The following MAP3K21 variants were observed in gnomAD, a reference collection of about 807,000 sequenced individuals.
MAP3K21 encodes the protein mitogen-activated protein kinase kinase kinase MLK4.
Under a neutral mutation model 86.1 loss-of-function variants are expected in MAP3K21, and 63 were observed. That is an observed-to-expected ratio of 0.73 (90% CI 0.60 to 0.90). The LOEUF is 0.90. Ranked by LOEUF, MAP3K21 falls within the 40% of genes least tolerant of loss-of-function variation. MAP3K21 has a pLI of 0.00. For synonymous variants in MAP3K21, 558 were observed against 564.8 expected (o/e 0.99, Z 0.17); for missense variants, 1,220 against 1,367.7 (o/e 0.89, Z 1.70).
intron 1 of MAP3K21, among the ~76,000 whole-genome samples, chr1:233,339,398 T>TCTCCTCCTTCTCCTCCTCCTC (rs1558451296): frequency 8.8e-5 from 9 of 102,724 alleles, no homozygotes; most frequent in Non-Finnish European, 1.1e-4. Context: ...TTCTCCTCCT[T>TCTCCTCCTTCTCCTCCTCCTC]CTCCTCCTCC....
At chr1:233,336,574 A>AAAAT (rs1558449896) in intron 1 of MAP3K21, among the ~76,000 whole-genome samples, 1 of 151,986 alleles carries the variant, frequency 6.6e-6, no homozygotes, top group Non-Finnish European at 1.5e-5. Context: ...AAAATAAAAT[A>AAAAT]AAAAAATCCC....
intron 4 of MAP3K21, among the ~76,000 whole-genome samples, chr1:233,361,218 A>C (rs1331256468): frequency 1.4e-4 from 22 of 152,232 alleles, no homozygotes; most frequent in Admixed American, 1.4e-3. Context: ...AATAGGAATA[A>C]AAGTATTTTT....
In MAP3K21 at chr1:233,362,296, A is replaced by G; in HGVS notation, c.1552+3A>G. ...ACATCGAATCAGTTTACCTTCAGGTATGATCTTGTTTTTATGTTTTTGAAA... is the reference window on the plus strand; with the variant it reads ...ACATCGAATCAGTTTACCTTCAGGTGTGATCTTGTTTTTATGTTTTTGAAA... On this transcript the variant is annotated splice_donor_region_variant and intron_variant, in intron 5 of 9. Transcript: ENST00000366624. 6.2e-7 allele frequency: 1 copy of G among 1,613,336 alleles called. No homozygotes were observed. Among genetic ancestry groups the G allele is most frequent in the Non-Finnish European group, 8.5e-7 (1 of 1,179,486 alleles).
chr1:233,379,191 C>T lies in MAP3K21; in HGVS notation c.2185C>T (p.Leu729Phe), dbSNP rs549958993. The T allele has an allele frequency of 4.3e-6, 7 of 1,614,196 alleles. No individual in the cohort carries two copies. The East Asian group carries it at 1.6e-4, about 36-fold the overall frequency. ...GTCAGCTCTGTATGGGTGCACCGTC[C>T]TTCTGGCATCGGTGGCTCTGGGACT... ...TESALYGCTV[L>F]LASVALGLDL... Residue 729 changes from leucine to phenylalanine, a missense_variant, in exon 9 of 10, where the codon CTT (leucine) becomes TTT (phenylalanine). Leu to Phe is a conservative substitution (Grantham distance 22). Coordinates refer to ENST00000366624, the MANE Select transcript of MAP3K21 (RefSeq NM_032435.3).
Position 233,327,971 on chromosome 1 carries a change from G to C in MAP3K21, c.-58G>C, listed in dbSNP as rs1662724649. The C allele has an allele frequency of 3.3e-6, 4 of 1,226,180 alleles. No individual in the cohort carries two copies. The highest frequency in any genetic ancestry group is 3.8e-5 in the South Asian group (1 of 26,662). 76.0% of individuals were successfully genotyped at this position (1,226,180 alleles called of 1,614,324 possible). A position where few individuals can be genotyped will look rare whatever the true frequency, so the allele number is the denominator to read the frequency against. ...ACACCGCCGGACGATGCGCGCCCGC[G>C]GCCGCCCGGGAGGCTGAGCCCAGCT... On this transcript the variant is annotated 5_prime_UTR_variant, in exon 1 of 10. Transcript: ENST00000366624.
chr1:233,368,730 C>T (rs761631562), intron 5 of MAP3K21, among the ~76,000 whole-genome samples: 24 of 152,004 alleles, frequency 1.6e-4, no homozygotes, highest in Non-Finnish European at 3.1e-4. Flanking sequence ...GGTTTGTCTT[C>T]CAAATCTCCT....
intron 9 of MAP3K21, among the ~76,000 whole-genome samples, chr1:233,381,302 C>T (rs1389054492): frequency 1.3e-5 from 2 of 152,164 alleles, no homozygotes; most frequent in Non-Finnish European, 2.9e-5. Flanking sequence ...ATACCTAATA[C>T]TATACTTACC....
At chr1:233,368,390 C>T (rs1284767856) in intron 5 of MAP3K21, among the ~76,000 whole-genome samples, 2 of 152,140 alleles carry the variant, frequency 1.3e-5, no homozygotes, top group African/African-American at 2.4e-5. Context: ...CAGTGACTCA[C>T]GCCTGTCATC....
At chr1:233,378,705 G>A (rs961194847) in intron 8 of MAP3K21, among the ~76,000 whole-genome samples, 5 of 152,216 alleles carry the variant, frequency 3.3e-5, no homozygotes, top group South Asian at 2.1e-4. Context: ...GGAAACAGCA[G>A]ATGGCTAGCT....
chr1:233,349,013 G>A (rs1166404261), intron 2 of MAP3K21, among the ~76,000 whole-genome samples: 1 of 152,124 alleles, frequency 6.6e-6, no homozygotes, highest in Non-Finnish European at 1.5e-5. Flanking sequence ...CTTATCTTCT[G>A]CATTTAAAAT....
In MAP3K21 at chr1:233,379,000, C is replaced by T. The variant is rs774821155; in HGVS notation, c.1994C>T (p.Pro665Leu). 2.5e-6 allele frequency: 4 copies of T among 1,614,076 alleles called. No individual in the cohort carries two copies. Among genetic ancestry groups the T allele is most frequent in the Admixed American group, 3.3e-5 (2 of 60,010 alleles). ...EHRKPKQIKLPSQAYIDLPLG... is the reference protein window; with the variant it reads ...EHRKPKQIKLLSQAYIDLPLG... ...AGAAAACCAAAACAAATAAAATTGC[C>T]TAGTCAGGCCTACATTGATCTACCT... Residue 665 changes from proline to leucine, a missense_variant, in exon 9 of 10, where the codon CCT becomes CTT. This residue lies in a region of MAP3K21 where 632 missense variants were observed against 691.3 expected (regional missense o/e 0.91). Coordinates refer to ENST00000366624, the MANE Select transcript of MAP3K21 (RefSeq NM_032435.3).
At chr1:233,363,025 T>C in intron 5 of MAP3K21, among the ~76,000 whole-genome samples, 1 of 152,204 alleles carries the variant, frequency 6.6e-6, no homozygotes, top group South Asian at 2.1e-4. Flanking sequence ...TTTAATATTA[T>C]ATATTCTACT....
intron 1 of MAP3K21, among the ~76,000 whole-genome samples, chr1:233,331,050 G>A (rs1032592355): frequency 2.0e-5 from 3 of 152,100 alleles, no homozygotes; most frequent in Non-Finnish European, 2.9e-5. Context: ...TAATAACTAT[G>A]GCCGAACAGT....
rs900320127 is a variant in MAP3K21 at position 233,332,933 on chromosome 1, A to G, written c.805+4100A>G. Among the ~76,000 whole-genome samples, 7 of 152,124 alleles carry G rather than the reference A, an allele frequency of 4.6e-5. 1 individual carries two copies. The highest frequency in any genetic ancestry group is 2.0e-4 in the Admixed American group (3 of 15,280). The stretch of plus-strand genomic sequence containing the variant: ...TTTATACTTTTTATGTCAGTGATTA[A>G]GCATTTATTATCTCAATTTTTTTAG... On this transcript the variant is annotated intron_variant, in intron 1 of 9. Transcript: ENST00000366624.
chr1:233,352,414 T>C (rs1197120974), intron 2 of MAP3K21, among the ~76,000 whole-genome samples: 5 of 152,064 alleles, frequency 3.3e-5, no homozygotes, highest in Non-Finnish European at 7.4e-5. Flanking sequence ...GGGGTACTTA[T>C]TCCTATTATC....
chr1:233,336,706 T>C (rs1294285), intron 1 of MAP3K21, among the ~76,000 whole-genome samples: 118,405 of 152,162 alleles, frequency 0.78, 46,341 homozygotes, highest in East Asian at 0.99. Flanking sequence ...TAGTCTATCT[T>C]ACTTTATGAG....
intron 1 of MAP3K21, among the ~76,000 whole-genome samples, chr1:233,342,380 G>A (rs1663052425): frequency 6.6e-6 from 1 of 152,198 alleles, no homozygotes; most frequent in African/African-American, 2.4e-5. Context: ...TATTAAATGT[G>A]TGGAAACAAC....
chr1:233,337,843 C>G (rs1572239114), intron 1 of MAP3K21, among the ~76,000 whole-genome samples: 1 of 152,286 alleles, frequency 6.6e-6, no homozygotes, highest in African/African-American at 2.4e-5. Flanking sequence ...GGAAAAAGAG[C>G]AAATCACATT....
intron 5 of MAP3K21, among the ~76,000 whole-genome samples, chr1:233,368,528 G>A (rs915191160): frequency 3.3e-5 from 5 of 149,798 alleles, no homozygotes; most frequent in African/African-American, 1.3e-4. Context: ...AGTGGTGCAT[G>A]CCTGTAGTAC....
Sources: allele counts gnomAD v4.1 joint callset (sites outside exome capture counted in the v4.1 genomes callset), GRCh38; gene constraint gnomAD v4.1.1; regional missense constraint gnomAD v4.1.1; transcripts MANE v1.5; gene names NCBI Gene and HGNC (gene_info 2026-07-23, HGNC 2026-07-21).